Variants in GAS7 observed in about 807,000 individuals in gnomAD.
The protein encoded by GAS7 is growth arrest specific 7.
A neutral mutation model predicts 71.1 loss-of-function variants in GAS7; 28 were observed. The observed-to-expected ratio is 0.39, with a 90% confidence interval of 0.29 to 0.54. The LOEUF (loss-of-function observed/expected upper bound fraction) is 0.54. GAS7 is among the 20% of genes least tolerant of loss of function. The pLI is 0.62. For missense variants in GAS7, 436 were observed against 627.8 expected (o/e 0.69, Z 3.27); for synonymous variants, 258 against 245.8 (o/e 1.05, Z -0.46).
intron 2 of GAS7, among the ~76,000 whole-genome samples, chr17:10,018,489 C>T (rs2072128569): frequency 6.6e-6 from 1 of 152,154 alleles, no homozygotes; most frequent in Admixed American, 6.5e-5. Flanking sequence ...GACACACTCT[C>T]CTCTGAAATT....
chr17:9,933,857 A>T (rs1843875677), intron 9 of GAS7, among the ~76,000 whole-genome samples: 1 of 152,154 alleles, frequency 6.6e-6, no homozygotes, highest in South Asian at 2.1e-4. Flanking sequence ...TAAAAATAAC[A>T]AAACATAAAA....
intron 13 of GAS7, among the ~76,000 whole-genome samples, chr17:9,917,764 A>G (rs1230842840): frequency 1.3e-5 from 2 of 152,208 alleles, no homozygotes; most frequent in South Asian, 2.1e-4. Context: ...CTTTCTCCTC[A>G]GGGTAACAGC....
At chr17:10,093,955 T>C (rs2073615388) in intron 1 of GAS7, among the ~76,000 whole-genome samples, 1 of 152,222 alleles carries the variant, frequency 6.6e-6, no homozygotes, top group African/African-American at 2.4e-5. Flanking sequence ...CAAGGTCCCC[T>C]TCTGGCATAA....
At chr17:10,072,918 A>C (rs1260746191) in intron 1 of GAS7, among the ~76,000 whole-genome samples, 1 of 152,184 alleles carries the variant, frequency 6.6e-6, no homozygotes, top group Admixed American at 6.5e-5. Context: ...AAAAACAAAA[A>C]AACAAGAAAG....
chr17:10,005,002 T>G lies in GAS7; in HGVS notation c.304+14775A>C, dbSNP rs567737248. 4.0e-4 allele frequency among the ~76,000 whole-genome samples: 61 copies of G among 151,682 alleles called. 1 individual carries two copies. In the East Asian group the frequency reaches 8.4e-3, roughly 21 times the overall value. On this transcript the variant is annotated intron_variant, in intron 2 of 13. Coordinates refer to ENST00000432992, the MANE Select transcript of GAS7 (RefSeq NM_201433.2). ...TCCAGCCTCGGCGACAGAGCAGGAC[T>G]TCATCTCTCTCTCTCGCTCTCTCTC...
chr17:9,967,889 T>C (rs2069787554), intron 4 of GAS7, among the ~76,000 whole-genome samples: 1 of 152,216 alleles, frequency 6.6e-6, no homozygotes. Flanking sequence ...TGGCTTATAA[T>C]GCACAGTGTT....
chr17:9,932,815 GA>G (rs2068257744), intron 9 of GAS7, among the ~76,000 whole-genome samples: 2 of 152,132 alleles, frequency 1.3e-5, no homozygotes, highest in Non-Finnish European at 2.9e-5. Flanking sequence ...CTGAGGATGG[GA>G]ATAGGACAGA....
At chr17:9,968,109 T>G (rs2069797359) in intron 4 of GAS7, among the ~76,000 whole-genome samples, 1 of 152,228 alleles carries the variant, frequency 6.6e-6, no homozygotes, top group Admixed American at 6.5e-5. Context: ...GAATTTAGGC[T>G]GATGTCTTCC....
At position 10,046,794 on chromosome 17, in the gene GAS7, A is replaced by AGAGAGAGAGAGAG. The variant is rs1288392130; in HGVS notation, c.184-26898_184-26897insCTCTCTCTCTCTC. Among the ~76,000 whole-genome samples the AGAGAGAGAGAGAG allele has an allele frequency of 2.0e-4, 14 of 70,492 alleles. 1 individual carries two copies. Among genetic ancestry groups the AGAGAGAGAGAGAG allele is most frequent in the African/African-American group, 9.2e-4 (13 of 14,090 alleles). 46.2% of individuals were successfully genotyped at this position (70,492 alleles called of 152,430 possible). A position where few individuals can be genotyped will look rare whatever the true frequency, so the allele number is the denominator to read the frequency against. On this transcript the variant is annotated intron_variant, in intron 1 of 13. Coordinates refer to ENST00000432992, the MANE Select transcript of GAS7 (RefSeq NM_201433.2). ...AGAGAAAGAAAGAAAGAAAGGAAGGAAGGAAGGAAGGAAGGAAGGAAGGAA... is the reference window on the plus strand; with the variant it reads ...AGAGAAAGAAAGAAAGAAAGGAAGGAGAGAGAGAGAGAGAGGAAGGAAGGAAGGAAGGAAGGAA...
At chr17:10,095,416 C>T (rs1467105305) in intron 1 of GAS7, among the ~76,000 whole-genome samples, 1 of 152,144 alleles carries the variant, frequency 6.6e-6, no homozygotes, top group Non-Finnish European at 1.5e-5. Context: ...CTCAAGTGAT[C>T]CTGCCAAAGT....
At chr17:9,977,676 G>C (rs2070258547) in intron 3 of GAS7, among the ~76,000 whole-genome samples, 1 of 143,510 alleles carries the variant, frequency 7.0e-6, no homozygotes, top group Non-Finnish European at 1.5e-5. Flanking sequence ...TGCAGGCAAA[G>C]TCCCCAGCCC....
At chr17:10,041,676 G>T (rs1235704706) in intron 1 of GAS7, among the ~76,000 whole-genome samples, 2 of 152,176 alleles carry the variant, frequency 1.3e-5, no homozygotes, top group Non-Finnish European at 2.9e-5. Flanking sequence ...AAGTCACTTT[G>T]GTTTTCCTTT....
intron 1 of GAS7, among the ~76,000 whole-genome samples, chr17:10,179,108 T>A (rs925818276): frequency 2.6e-5 from 4 of 152,008 alleles, no homozygotes; most frequent in African/African-American, 7.2e-5. Context: ...GGTGGGCGGA[T>A]CACCTGAGGT....
chr17:9,950,018 C>T (rs183499104), intron 5 of GAS7, among the ~76,000 whole-genome samples: 215 of 152,074 alleles, frequency 1.4e-3, no homozygotes, highest in African/African-American at 5.1e-3. Context: ...TGCATGTCAC[C>T]ACACCTGGCT....
rs1195507976 is a variant in GAS7 at position 10,082,335 on chromosome 17, GTTATT to G, written c.184-62443_184-62439del. On this transcript the variant is annotated intron_variant, in intron 1 of 13. Transcript: ENST00000432992. ...CAGGATTTTTAATGTCAAATAATGT[GTTATT>G]TCTGACTGACATGTGGCCAATGTTA... Among the ~76,000 whole-genome samples the G allele has an allele frequency of 7.9e-5, 12 of 152,178 alleles. 1 individual carries two copies. The highest frequency in any genetic ancestry group is 7.8e-4 in the Admixed American group (12 of 15,288).
At chr17:9,972,009 G>T (rs573135640) in intron 3 of GAS7, among the ~76,000 whole-genome samples, 1 of 152,310 alleles carries the variant, frequency 6.6e-6, no homozygotes, top group East Asian at 1.9e-4. Flanking sequence ...GTGCCTGTGC[G>T]CAGCTGGGCT....
intron 1 of GAS7, among the ~76,000 whole-genome samples, chr17:10,145,069 G>A (rs1298891292): frequency 2.6e-5 from 4 of 152,216 alleles, no homozygotes; most frequent in South Asian, 4.1e-4. Flanking sequence ...CATGGTGCAG[G>A]AATGGCTGCT....
chr17:10,024,254 CACAG>C lies in GAS7; in HGVS notation c.184-4361_184-4358del, dbSNP rs560089252. On this transcript the variant is annotated intron_variant, in intron 1 of 13. Transcript: ENST00000432992. The stretch of plus-strand genomic sequence containing the variant: ...CCAGCATTACCTCACCCTTCATGGC[CACAG>C]AGGGGCAAGAGCAGCCGGCCCCCAG... Among the ~76,000 whole-genome samples, 184 of 152,332 alleles carry C rather than the reference CACAG, an allele frequency of 1.2e-3. 1 individual carries two copies. The highest frequency in any genetic ancestry group is 4.4e-3 in the African/African-American group (181 of 41,574).
intron 6 of GAS7, 104 bp downstream of exon 6, chr17:9,946,790 A>T: frequency 1.5e-6 from 1 of 683,462 alleles, no homozygotes; most frequent in Non-Finnish European, 2.6e-6. Flanking sequence ...CGCTCCAACG[A>T]GAAAGGCCCC....
Sources: gnomAD v4.1 joint callset for allele counts (sites outside exome capture counted in the v4.1 genomes callset) on GRCh38, gnomAD v4.1.1 for gene constraint, MANE v1.5 for transcripts, NCBI Gene and HGNC (gene_info 2026-07-23, HGNC 2026-07-21) for gene names.